SCN9A: variants seen among roughly 807,000 people sequenced by gnomAD.
SCN9A encodes sodium voltage-gated channel alpha subunit 9.
SCN9A carries 131 observed loss-of-function variants against 187.0 expected under a neutral mutation model. The observed-to-expected ratio is 0.70, with a 90% CI of 0.61 to 0.81. SCN9A has a LOEUF of 0.81. Among genes scored for constraint, SCN9A ranks in the 30% least tolerant of loss-of-function variants. The pLI, the probability that SCN9A is intolerant of heterozygous loss-of-function variation, is 0.00. For missense variants in SCN9A, 2,252 were observed against 2,396.6 expected (o/e 0.94, Z 1.26); for synonymous variants, 809 against 808.6 (o/e 1.00, Z -0.01).
chr2:166,242,902 C>T lies in SCN9A; in HGVS notation c.3473-246G>A, dbSNP rs544268472. Among the ~76,000 whole-genome samples the T allele has an allele frequency of 2.2e-4, 34 of 152,152 alleles. No homozygotes were observed. The South Asian group carries it at 6.8e-3, about 31-fold the overall frequency. ...ATGTATTCTTGTCTTCTGTAATCCC[C>T]AATTTCTCTTCAGTCTCCTCCACAG... On this transcript the variant is annotated intron_variant, in intron 18 of 26. Coordinates refer to ENST00000642356, the MANE Select transcript of SCN9A (RefSeq NM_001365536.1).
chr2:166,199,380 G>A lies in SCN9A; in HGVS notation c.5259C>T (p.Asn1753=). 6.2e-7 allele frequency: 1 copy of A among 1,614,162 alleles called. No individual in the cohort carries two copies. The highest frequency in any genetic ancestry group is 2.2e-5 in the East Asian group (1 of 44,876). Residue 1753 remains asparagine, a synonymous_variant, in exon 27 of 27, where the codon AAC becomes AAT. Coordinates refer to ENST00000642356, the MANE Select transcript of SCN9A (RefSeq NM_001365536.1). ...TCTCCAGTATGACTGCAATGTACAT[G>A]TTCACCACAACCAGGAAGGATATGA... is the stretch of plus-strand genomic sequence containing the variant. The part of the protein sequence containing the change: ...YIIISFLVVV[N]MYIAVILENF...
intron 1 of SCN9A, among the ~76,000 whole-genome samples, chr2:166,346,035 A>G (rs534019932): frequency 1.7e-4 from 26 of 152,278 alleles, no homozygotes; most frequent in African/African-American, 5.8e-4. Context: ...AGAATACCTT[A>G]CTGAAATATG....
chr2:166,213,108 C>T (rs1694167795), intron 24 of SCN9A, among the ~76,000 whole-genome samples: 1 of 151,436 alleles, frequency 6.6e-6, no homozygotes, highest in South Asian at 2.1e-4. Flanking sequence ...CCAACATCAG[C>T]AAAAGGAAGG....
At chr2:166,263,826 T>C (rs1464903659) in intron 17 of SCN9A, among the ~76,000 whole-genome samples, 1 of 151,228 alleles carries the variant, frequency 6.6e-6, no homozygotes, top group Non-Finnish European at 1.5e-5. Context: ...GGGCCAGAGA[T>C]TGGGATGATG....
At position 166,258,963 on chromosome 2, in the gene SCN9A, A is replaced by G. The variant is rs56938990; in HGVS notation, c.3352-7078T>C. Among the ~76,000 whole-genome samples, 1,232 of 151,842 alleles carry G rather than the reference A, an allele frequency of 8.1e-3. 15 individuals carry two copies. The highest frequency in any genetic ancestry group is 0.056 in the South Asian group (268 of 4,828). On this transcript the variant is annotated intron_variant, in intron 17 of 26. Coordinates refer to ENST00000642356, the MANE Select transcript of SCN9A (RefSeq NM_001365536.1). ...GCATTTTACTTTTATAATCAATTCA[A>G]TAAAAATCTACAGATCATGCACTTG...
intron 22 of SCN9A, among the ~76,000 whole-genome samples, chr2:166,228,423 AT>A (rs954622274): frequency 6.6e-6 from 1 of 151,106 alleles, no homozygotes; most frequent in South Asian, 2.1e-4. Flanking sequence ...CACCCAGCTA[AT>A]TTTTTTGTAT....
chr2:166,220,617 G>T (rs1469718301), intron 24 of SCN9A, among the ~76,000 whole-genome samples: 1 of 152,154 alleles, frequency 6.6e-6, no homozygotes, highest in Non-Finnish European at 1.5e-5. Context: ...TACCCAGTCT[G>T]TGGTATTCTG....
intron 2 of SCN9A, among the ~76,000 whole-genome samples, chr2:166,311,273 G>A (rs1698934504): frequency 7.6e-6 from 1 of 131,940 alleles, no homozygotes; most frequent in South Asian, 2.5e-4. Flanking sequence ...AAAGTAGTAT[G>A]CCAATGCCAG....
chr2:166,302,926 T>G, intron 7 of SCN9A, 164 bp downstream of exon 7: 1 of 590,938 alleles, frequency 1.7e-6, no homozygotes, highest in Admixed American at 3.2e-5. Context: ...CCAGGATGAT[T>G]TATGAAAATC....
intron 1 of SCN9A, among the ~76,000 whole-genome samples, chr2:166,347,721 T>G (rs1463423755): frequency 2.6e-5 from 4 of 152,188 alleles, no homozygotes; most frequent in Admixed American, 6.5e-5. Context: ...CAATAAATGA[T>G]GACACGGAAA....
At chr2:166,242,713 ATACATTATTTAATGCAAACTGCTTTC>A (rs1695623361) in intron 18 of SCN9A, 57 bp from the exon 19 acceptor site, 2 of 1,358,214 alleles carry the variant, frequency 1.5e-6, no homozygotes, top group South Asian at 2.9e-5. Flanking sequence ...AAAATTTTTA[ATACATTATTTAATGCAAACTGCTTTC>A]TGTGATACTC....
intron 7 of SCN9A, among the ~76,000 whole-genome samples, chr2:166,300,628 G>A (rs1023703138): frequency 7.3e-5 from 11 of 150,690 alleles, no homozygotes; most frequent in African/African-American, 2.7e-4. Context: ...ATAGCTCAGG[G>A]AAACCATGTA....
At chr2:166,200,785 GCCA>G (rs1693472106) in intron 26 of SCN9A, among the ~76,000 whole-genome samples, 1 of 152,036 alleles carries the variant, frequency 6.6e-6, no homozygotes, top group South Asian at 2.1e-4. Flanking sequence ...ACAGGCATGC[GCCA>G]CCACACCTGG....
intron 1 of SCN9A, among the ~76,000 whole-genome samples, chr2:166,321,114 T>A (rs1699226544): frequency 6.6e-6 from 1 of 152,104 alleles, no homozygotes; most frequent in Non-Finnish European, 1.5e-5. Context: ...AGAGAAAAAA[T>A]TCAATTCAAA....
intron 1 of SCN9A, among the ~76,000 whole-genome samples, chr2:166,341,548 T>C (rs1010925965): frequency 2.0e-5 from 3 of 152,198 alleles, no homozygotes; most frequent in Non-Finnish European, 4.4e-5. Context: ...GTTTAGCCAA[T>C]ATGCCTAAAT....
chr2:166,206,983 T>G (rs1340855431), intron 24 of SCN9A, among the ~76,000 whole-genome samples: 1 of 152,120 alleles, frequency 6.6e-6, no homozygotes. Flanking sequence ...AATTCAACAG[T>G]AAATAACATA....
chr2:166,347,617 C>T (rs746928276), intron 1 of SCN9A, among the ~76,000 whole-genome samples: 4 of 152,202 alleles, frequency 2.6e-5, no homozygotes. Context: ...TTGTAATTAA[C>T]TAATTAATGT....
In SCN9A at chr2:166,284,465, A is replaced by T. The variant is rs752943799; in HGVS notation, c.1962T>A (p.Thr654=). 5.6e-6 allele frequency: 9 copies of T among 1,612,674 alleles called. No individual in the cohort carries two copies. The African/African-American group carries it at 1.2e-4, about 22-fold the overall frequency. Residue 654 remains threonine, a synonymous_variant, in exon 12 of 27, where the codon ACT becomes ACA. Transcript: ENST00000642356. The part of the protein sequence containing the change: ...LLPEVIIDKA[T]SDDSGTTNQI... ...AAAACGTCCTTACGCTGTCATCAGA[A>T]GTTGCCTTATCTATTATCACCTCTG...
chr2:166,325,932 A>T (rs1221667543), intron 1 of SCN9A, among the ~76,000 whole-genome samples: 1 of 152,210 alleles, frequency 6.6e-6, no homozygotes, highest in Non-Finnish European at 1.5e-5. Flanking sequence ...ATGTTCGATA[A>T]CATCACCTTC....
Sources: allele counts gnomAD v4.1 joint callset (sites outside exome capture counted in the v4.1 genomes callset), GRCh38; gene constraint gnomAD v4.1.1; transcripts MANE v1.5; gene names NCBI Gene and HGNC (gene_info 2026-07-23, HGNC 2026-07-21).